The following EIF2AK4 variants were observed in gnomAD, a reference collection of about 807,000 sequenced individuals.
EIF2AK4 encodes eukaryotic translation initiation factor 2 alpha kinase 4.
In EIF2AK4, 139 loss-of-function variants were observed where a neutral mutation model predicts 211.1. That is an observed-to-expected ratio of 0.66 (90% confidence interval 0.57 to 0.76). The LOEUF is 0.76. EIF2AK4 is among the 30% of genes least tolerant of loss of function. The pLI is 0.00. For missense variants in EIF2AK4, 1,664 were observed against 2,043.8 expected, an observed-to-expected ratio of 0.81 and a Z score of 3.58; for synonymous variants, 710 against 751.3, an observed-to-expected ratio of 0.94 and a Z score of 0.90.
rs530100735 is a variant in EIF2AK4 at position 40,034,265 on chromosome 15, G to GA, written c.4774-55dup. ...ACACTGGAATTTCATTAGTGACCCA[G>GA]AAAAAACCAGCTAGTAAACCCTAGA... On this transcript the variant is annotated intron_variant, in intron 37 of 38. Coordinates refer to ENST00000263791, the MANE Select transcript of EIF2AK4 (RefSeq NM_001013703.4). The GA allele has an allele frequency of 6.5e-4, 903 of 1,381,664 alleles. 2 individuals are homozygous for GA. Among genetic ancestry groups the GA allele is most frequent in the African/African-American group, 2.0e-3 (138 of 69,306 alleles). The allele number at this position is 1,381,664 out of a possible 1,614,324, so 85.6% of individuals were successfully genotyped here. A position where few individuals can be genotyped will look rare whatever the true frequency, so the allele number is the denominator to read the frequency against.
Position 39,965,812 on chromosome 15 carries a change from A to G in EIF2AK4, c.986A>G (p.Glu329Gly), listed in dbSNP as rs1432706723. ...KKMGPFLTSQ[E>G]KEKIDKCKKQ... ...ATGGGTCCATTCCTTACCAGTCAAG[A>G]AAAAGAGAAGATTGATAAGTGCAAA... Residue 329 changes from glutamate to glycine, a missense_variant, in exon 8 of 39, where the codon GAA becomes GGA. Glu to Gly is a moderately conservative substitution (Grantham distance 98). Around this residue, in one of 7 missense-constraint regions of EIF2AK4, gnomAD observed 641 missense variants for 729.6 expected, o/e 0.88. Coordinates refer to ENST00000263791, the MANE Select transcript of EIF2AK4 (RefSeq NM_001013703.4). The G allele has an allele frequency of 6.2e-7, 1 of 1,613,970 alleles. No homozygotes were observed. Among genetic ancestry groups the G allele is most frequent in the Non-Finnish European group, 8.5e-7 (1 of 1,179,952 alleles).
At chr15:39,944,495 A>G (rs1005070505) in intron 3 of EIF2AK4, among the ~76,000 whole-genome samples, 6 of 141,886 alleles carry the variant, frequency 4.2e-5, no homozygotes, top group Admixed American at 7.9e-5. Flanking sequence ...GCAATGGCGC[A>G]ATCTCGGCTC....
chr15:39,963,980 T>C (rs897174186), intron 7 of EIF2AK4, among the ~76,000 whole-genome samples: 4 of 152,226 alleles, frequency 2.6e-5, no homozygotes, highest in Admixed American at 2.6e-4. Flanking sequence ...TTTAATGCCA[T>C]GTGTTTCTAG....
intron 4 of EIF2AK4, among the ~76,000 whole-genome samples, chr15:39,950,004 ATTTAT>A (rs2034284737): frequency 6.6e-6 from 1 of 151,714 alleles, no homozygotes; most frequent in African/African-American, 2.4e-5. Context: ...TTTTATTTTA[ATTTAT>A]TTTTCTAAAG....
intron 18 of EIF2AK4, 67 bp from the exon 19 acceptor site, chr15:39,996,897 T>C (rs2035025299): frequency 8.8e-7 from 1 of 1,138,438 alleles, no homozygotes; most frequent in African/African-American, 1.5e-5. Context: ...ATGCTTATCC[T>C]ATAATTCCCT....
chr15:39,998,765 A>G lies in EIF2AK4; in HGVS notation c.2903A>G (p.Asp968Gly), dbSNP rs761585846. The G allele has an allele frequency of 6.2e-7, 1 of 1,613,002 alleles. No individual in the cohort carries two copies. The highest frequency in any genetic ancestry group is 1.1e-5 in the South Asian group (1 of 90,854). Residue 968 changes from aspartate (D) to glycine (G), a missense_variant, in exon 20 of 39, where the codon GAT becomes GGT. Physicochemically the swap from Asp to Gly is moderately conservative, Grantham distance 94. Transcript: ENST00000263791. ...CCTAAGTTTCCAGAAGACTTTGACG[A>G]TGGAGAGCATGCAAAGCAGGTAATT... ...TSPKFPEDFD[D>G]GEHAKQKSVI... is the part of the protein sequence containing the mutation.
At chr15:39,968,891 T>TACAC (rs1555416599) in intron 9 of EIF2AK4, among the ~76,000 whole-genome samples, 25 of 149,222 alleles carry the variant, frequency 1.7e-4, no homozygotes, top group South Asian at 6.4e-4. Flanking sequence ...TATATATATA[T>TACAC]ACACACACAT....
chr15:39,977,299 C>G (rs118058246), intron 12 of EIF2AK4: 2,264 of 155,724 alleles, frequency 0.015, 26 homozygotes, highest in Admixed American at 0.022. Flanking sequence ...AACTGTTCCA[C>G]CTTACATCAT....
chr15:39,956,621 A>G (rs1446797094), intron 6 of EIF2AK4, among the ~76,000 whole-genome samples: 1 of 152,186 alleles, frequency 6.6e-6, no homozygotes, highest in Non-Finnish European at 1.5e-5. Flanking sequence ...TTGTTCTTCT[A>G]TATCTTTTTC....
Position 39,985,860 on chromosome 15 carries a change from C to T in EIF2AK4, c.2375C>T (p.Thr792Ile). ...GCHESEPSVT[T>I]EAVHYLYIQM... ...CATGAAAGTGAGCCATCAGTGACGA[C>T]TGAGGCTGTGCACTACCTATACATC... The change falls in exon 14 of 39, where the codon ACT becomes ATT. Residue 792 changes from threonine (T) to isoleucine (I), a missense_variant. Around this residue, in one of 7 missense-constraint regions of EIF2AK4, gnomAD observed 206 missense variants for 201.9 expected, o/e 1.02. Coordinates refer to ENST00000263791, the MANE Select transcript of EIF2AK4 (RefSeq NM_001013703.4). 6.2e-7 allele frequency: 1 copy of T among 1,614,118 alleles called. No homozygotes were observed. Among genetic ancestry groups the T allele is most frequent in the Non-Finnish European group, 8.5e-7 (1 of 1,179,992 alleles).
chr15:39,970,263 A>G (rs17721366), intron 9 of EIF2AK4, among the ~76,000 whole-genome samples: 12,970 of 152,280 alleles, frequency 0.085, 741 homozygotes, highest in South Asian at 0.22. Context: ...TCATTTTTAA[A>G]GTGAGATCTT....
intron 6 of EIF2AK4, among the ~76,000 whole-genome samples, chr15:39,956,136 G>C (rs2034389344): frequency 6.6e-6 from 1 of 151,444 alleles, no homozygotes; most frequent in South Asian, 2.1e-4. Context: ...CTCCCAAGTA[G>C]CTGGGACTAC....
At chr15:40,029,222 A>T in intron 33 of EIF2AK4, 184 bp from the exon 34 acceptor site, 1 of 733,176 alleles carries the variant, frequency 1.4e-6, no homozygotes, top group Non-Finnish European at 1.7e-6. Flanking sequence ...TATAATTTTT[A>T]CTTGCTCTTG....
chr15:39,961,522 C>A (rs548091), intron 6 of EIF2AK4, among the ~76,000 whole-genome samples: 1 of 152,038 alleles, frequency 6.6e-6, no homozygotes, highest in African/African-American at 2.4e-5. Context: ...GCAGCACAGA[C>A]CTCGAGTTAG....
intron 3 of EIF2AK4, 135 bp downstream of exon 3, chr15:39,943,620 G>C: frequency 1.4e-6 from 1 of 703,536 alleles, no homozygotes; most frequent in East Asian, 3.1e-5. Context: ...TTATTTAATA[G>C]GATTAATGAA....
At chr15:40,017,338 C>A in intron 29 of EIF2AK4, 96 bp downstream of exon 29, 3 of 1,393,108 alleles carry the variant, frequency 2.2e-6, no homozygotes, top group South Asian at 1.4e-5. Context: ...AAAATTTGAA[C>A]CAGTAATATC....
At chr15:39,961,720 GTTAATC>G in intron 6 of EIF2AK4, 58 bp from the exon 7 acceptor site, 1 of 1,312,792 alleles carries the variant, frequency 7.6e-7, no homozygotes, top group Non-Finnish European at 1.1e-6. Flanking sequence ...ACATTCCTAT[GTTAATC>G]TTAAAGAAAA....
chr15:40,017,384 A>C, intron 29 of EIF2AK4, 142 bp downstream of exon 29: 2 of 1,006,744 alleles, frequency 2.0e-6, no homozygotes, highest in Non-Finnish European at 2.8e-6. Context: ...TTCATCTAGG[A>C]ATAGAAATAT....
chr15:39,944,494 C>T (rs1479666005), intron 3 of EIF2AK4, among the ~76,000 whole-genome samples: 1 of 141,322 alleles, frequency 7.1e-6, no homozygotes, highest in Admixed American at 7.9e-5. Flanking sequence ...TGCAATGGCG[C>T]AATCTCGGCT....
Sources: allele counts gnomAD v4.1 joint callset (sites outside exome capture counted in the v4.1 genomes callset), GRCh38; gene constraint gnomAD v4.1.1; regional missense constraint gnomAD v4.1.1; transcripts MANE v1.5; gene names NCBI Gene and HGNC (gene_info 2026-07-23, HGNC 2026-07-21).